The following DCC variants were observed in gnomAD, a reference collection of about 807,000 sequenced individuals.
DCC encodes the protein netrin receptor DCC.
Under a neutral mutation model 172.5 loss-of-function variants are expected in DCC, and 58 were observed. The ratio of observed to expected loss-of-function variants is 0.34; its 90% CI spans 0.27 to 0.42. The LOEUF is 0.42. Among genes scored for constraint, DCC ranks in the 10% least tolerant of loss-of-function variants. The pLI, the probability that DCC is intolerant of heterozygous loss-of-function variation, is 1.00. For missense variants in DCC, 1,740 were observed against 1,791.0 expected, an observed-to-expected ratio of 0.97 and a Z score of 0.51; for synonymous variants, 709 against 644.5, an observed-to-expected ratio of 1.10 and a Z score of -1.52.
chr18:52,713,997 C>G (rs2036338206), intron 1 of DCC, among the ~76,000 whole-genome samples: 1 of 152,288 alleles, frequency 6.6e-6, no homozygotes, highest in South Asian at 2.1e-4. Flanking sequence ...CATCTGGGGA[C>G]TTATAGTCTA....
intron 1 of DCC, among the ~76,000 whole-genome samples, chr18:52,536,013 GA>G (rs1273517968): frequency 2.0e-5 from 3 of 152,160 alleles, no homozygotes; most frequent in African/African-American, 7.2e-5. Flanking sequence ...GAGAATGGAA[GA>G]AAAGTGGTGA....
At chr18:52,932,576 C>A (rs4564688) in intron 5 of DCC, among the ~76,000 whole-genome samples, 59,612 of 151,784 alleles carry the variant, frequency 0.39, 12,304 homozygotes, top group Non-Finnish European at 0.47. Context: ...TTGAACTTTC[C>A]AGAAATGGTT....
Position 53,090,698 on chromosome 18 carries a change from C to CAA in DCC, c.1261+24567_1261+24568dup, listed in dbSNP as rs59898050. On this transcript the variant is annotated intron_variant, in intron 7 of 28. Transcript: ENST00000442544. ...GACAGAGCGAAACTCCGTCCCCCAA[C>CAA]AAAAAAAAAAAAAAAAAAAAAAAAA... is the stretch of plus-strand genomic sequence containing the variant. 1.0e-3 allele frequency among the ~76,000 whole-genome samples: 40 copies of CAA among 39,348 alleles called. 5 individuals carry two copies. Among genetic ancestry groups the CAA allele is most frequent in the South Asian group, 2.0e-3 (2 of 1,024 alleles). 25.8% of individuals were successfully genotyped at this position (39,348 alleles called of 152,430 possible).
intron 5 of DCC, among the ~76,000 whole-genome samples, chr18:52,930,108 CTTTCTTTTCTT>C (rs759724705): frequency 6.6e-5 from 10 of 151,700 alleles, no homozygotes; most frequent in Non-Finnish European, 1.2e-4. Context: ...TTTATTTTTT[CTTTCTTTTCTT>C]TTTCTTTTCT....
rs372643793 is a variant in DCC, at chr18:52,503,721, G to T, written c.91+162843G>T. 6.4e-4 allele frequency among the ~76,000 whole-genome samples: 97 copies of T among 152,148 alleles called. 1 individual carries two copies. Among genetic ancestry groups the T allele is most frequent in the African/African-American group, 2.3e-3 (95 of 41,524 alleles). On this transcript the variant is annotated intron_variant, in intron 1 of 28. Coordinates refer to ENST00000442544, the MANE Select transcript of DCC (RefSeq NM_005215.4). ...ACTAGCCAGTCCATTCCTCTTGATT[G>T]CAGGGTCCTCCATTATAACCAAGAG...
At chr18:53,397,250 G>C in intron 17 of DCC, 58 bp from the exon 18 acceptor site, 2 of 1,518,530 alleles carry the variant, frequency 1.3e-6, no homozygotes, top group East Asian at 4.5e-5. Flanking sequence ...TATATGTCTT[G>C]ATTTACCAAG....
chr18:52,592,545 G>A (rs1191094662), intron 1 of DCC, among the ~76,000 whole-genome samples: 2 of 152,126 alleles, frequency 1.3e-5, no homozygotes, highest in African/African-American at 2.4e-5. Context: ...TGACTTTGTC[G>A]GTGACTTGAG....
At chr18:52,774,728 G>A (rs138883486) in intron 2 of DCC, among the ~76,000 whole-genome samples, 183 of 151,318 alleles carry the variant, frequency 1.2e-3, no homozygotes, top group African/African-American at 4.2e-3. Context: ...CCCACTCATG[G>A]CTGCTGGACT....
intron 2 of DCC, among the ~76,000 whole-genome samples, chr18:52,819,966 T>C (rs763651091): frequency 2.2e-4 from 34 of 152,132 alleles, no homozygotes; most frequent in Non-Finnish European, 3.5e-4. Context: ...GTGATCCACC[T>C]GCCTCGGCCT....
intron 1 of DCC, among the ~76,000 whole-genome samples, chr18:52,412,324 G>A (rs937076232): frequency 4.6e-5 from 7 of 151,964 alleles, no homozygotes; most frequent in African/African-American, 1.5e-4. Context: ...AATGTACCCT[G>A]TTACACGGAG....
intron 1 of DCC, among the ~76,000 whole-genome samples, chr18:52,572,395 G>A (rs940276460): frequency 4.6e-5 from 7 of 152,016 alleles, no homozygotes; most frequent in Non-Finnish European, 2.9e-5. Flanking sequence ...CTGCCTAATC[G>A]AGATTTCAAG....
At chr18:52,866,106 C>T (rs566530323) in intron 2 of DCC, among the ~76,000 whole-genome samples, 20 of 152,284 alleles carry the variant, frequency 1.3e-4, no homozygotes, top group African/African-American at 4.6e-4. Flanking sequence ...CAGTTTTCTG[C>T]ATATGGCTAG....
At chr18:53,090,389 T>G (rs2042984936) in intron 7 of DCC, among the ~76,000 whole-genome samples, 1 of 151,874 alleles carries the variant, frequency 6.6e-6, no homozygotes, top group Non-Finnish European at 1.5e-5. Flanking sequence ...GTGGAAGAAC[T>G]AGCATTTTGA....
chr18:53,090,921 G>A (rs2042998307), intron 7 of DCC, among the ~76,000 whole-genome samples: 1 of 151,742 alleles, frequency 6.6e-6, no homozygotes, highest in African/African-American at 2.4e-5. Flanking sequence ...TTGTTCTATA[G>A]AAGCATGTGT....
chr18:52,440,863 A>C (rs117922940), intron 1 of DCC, among the ~76,000 whole-genome samples: 1 of 152,192 alleles, frequency 6.6e-6, no homozygotes, highest in Non-Finnish European at 1.5e-5. Context: ...AGGAAAGCAA[A>C]AGGAGAATCA....
Position 52,580,038 on chromosome 18 carries a change from C to A in DCC, c.92-172016C>A, listed in dbSNP as rs1419851572. Among the ~76,000 whole-genome samples the A allele has an allele frequency of 4.6e-5, 7 of 152,148 alleles. No homozygotes were observed. In the East Asian group the frequency reaches 1.3e-3, roughly 29 times the overall value. ...TTTGCAACTAAAAGTTGCTATTCAC[C>A]TTTCTTTCGGGGAGGGAATGCCAGG... On this transcript the variant is annotated intron_variant, in intron 1 of 28. Transcript: ENST00000442544.
intron 19 of DCC, among the ~76,000 whole-genome samples, chr18:53,408,122 C>T (rs73960117): frequency 0.031 from 4,780 of 152,198 alleles, 292 homozygotes; most frequent in African/African-American, 0.11. Context: ...TGTCCCTGAC[C>T]TTGTTGATCA....
At position 53,066,053 on chromosome 18, in the gene DCC, G is replaced by A; in HGVS notation, c.1148G>A (p.Ser383Asn). 5 of 1,613,106 alleles carry A rather than the reference G, an allele frequency of 3.1e-6. No individual in the cohort carries two copies. The highest frequency in any genetic ancestry group is 1.7e-5 in the Admixed American group (1 of 59,932). The change falls in exon 7 of 29, where the codon AGC (serine) becomes AAC (asparagine). Residue 383 changes from serine (S) to asparagine (N), a missense_variant. Coordinates refer to ENST00000442544, the MANE Select transcript of DCC (RefSeq NM_005215.4). ...GCTTTTTCTTTTCCCTAGGGAGGAA[G>A]CAACTTACGGATACTTGGGGTGGTG... ...PSDYFQIVGG[S>N]NLRILGVVKS...
intron 1 of DCC, among the ~76,000 whole-genome samples, chr18:52,728,432 A>G (rs1397122148): frequency 6.6e-6 from 1 of 152,162 alleles, no homozygotes; most frequent in Non-Finnish European, 1.5e-5. Flanking sequence ...CTCTTAGGGC[A>G]AAGTAGTTTG....
Sources: gnomAD v4.1 joint callset for allele counts (sites outside exome capture counted in the v4.1 genomes callset) on GRCh38, gnomAD v4.1.1 for gene constraint, MANE v1.5 for transcripts, NCBI Gene and HGNC (gene_info 2026-07-23, HGNC 2026-07-21) for gene names.